Variants in CFAP47 observed in about 807,000 individuals in gnomAD.
CFAP47 encodes the protein cilia and flagella associated protein 47, also known as cilia- and flagella-associated protein 47.
Under a neutral mutation model 148.1 loss-of-function variants are expected in CFAP47, and 29 were observed. The observed-to-expected ratio is 0.20, with a 90% CI of 0.15 to 0.27. The LOEUF (loss-of-function observed/expected upper bound fraction) is 0.27, where lower values mean the gene tolerates loss of function less well. Among genes scored for constraint, CFAP47 ranks in the 10% least tolerant of loss-of-function variants. CFAP47 has a pLI of 1.00. For synonymous variants in CFAP47, 664 were observed against 577.3 expected (o/e 1.15, Z -2.15); for missense variants, 1,872 against 1,697.5 (o/e 1.10, Z -1.81).
intron 33 of CFAP47, among the ~76,000 whole-genome samples, chrX:36,125,340 A>G (rs950611201): frequency 4.5e-5 from 5 of 111,195 alleles, no homozygotes; most frequent in Non-Finnish European, 9.4e-5. Context: ...AAAAAGAAGC[A>G]AGTCAGCTGC....
At chrX:36,008,251 C>A (rs775653088) in intron 21 of CFAP47, among the ~76,000 whole-genome samples, 5 of 111,940 alleles carry the variant, frequency 4.5e-5, no homozygotes, top group Non-Finnish European at 9.4e-5. Flanking sequence ...GCTTCCCTTC[C>A]CTTTTTCTCT....
rs746880615 is a variant in CFAP47, at chrX:36,023,773, T to C, written c.3557-7480T>C. Among the ~76,000 whole-genome samples the C allele has an allele frequency of 5.3e-5, 6 of 112,222 alleles. No homozygotes were observed. In the East Asian group the frequency reaches 1.1e-3, roughly 21 times the overall value. ...CCCACAGGGAGTGCTGCCAGACTAC[T>C]GCTGATGTTTCCTTAAGGCACAAGG... is the stretch of plus-strand genomic sequence containing the variant. On this transcript the variant is annotated intron_variant, in intron 22 of 63. Coordinates refer to ENST00000378653, the MANE Select transcript of CFAP47 (RefSeq NM_001304548.2).
At chrX:36,231,521 A>G (rs1940359869) in intron 46 of CFAP47, among the ~76,000 whole-genome samples, 1 of 110,731 alleles carries the variant, frequency 9.0e-6, no homozygotes, top group Admixed American at 9.6e-5. Context: ...GGCCGAGACA[A>G]TGGGGTTTTC....
At chrX:36,358,548 G>A (rs1169312151) in intron 60 of CFAP47, among the ~76,000 whole-genome samples, 1 of 111,728 alleles carries the variant, frequency 9.0e-6, no homozygotes, top group Non-Finnish European at 1.9e-5. Flanking sequence ...GACTGCTTGG[G>A]TTCTTTTATT....
At chrX:36,363,588 C>T (rs1240802232) in intron 61 of CFAP47, among the ~76,000 whole-genome samples, 1 of 111,558 alleles carries the variant, frequency 9.0e-6, no homozygotes, top group Non-Finnish European at 1.9e-5. Context: ...CTATGAAAAA[C>T]AACAGGAAAA....
intron 30 of CFAP47, among the ~76,000 whole-genome samples, chrX:36,089,274 CAGG>C (rs1368960609): frequency 1.8e-5 from 2 of 110,235 alleles, no homozygotes; most frequent in Non-Finnish European, 3.8e-5. Flanking sequence ...GAGGCTGAGG[CAGG>C]AGAATCACTT....
chrX:36,235,389 A>G (rs1165545018), intron 46 of CFAP47, among the ~76,000 whole-genome samples: 1 of 112,338 alleles, frequency 8.9e-6, no homozygotes, highest in Non-Finnish European at 1.9e-5. Context: ...GCTAGCAATC[A>G]GCGAGACTCC....
intron 60 of CFAP47, 64 bp downstream of exon 60, chrX:36,353,745 AG>A: frequency 7.9e-6 from 7 of 884,790 alleles, no homozygotes; most frequent in African/African-American, 2.0e-5. Flanking sequence ...CATGAATTGC[AG>A]GTTGCTGATT....
At chrX:36,232,508 T>G (rs1555992939) in intron 46 of CFAP47, among the ~76,000 whole-genome samples, 1 of 111,993 alleles carries the variant, frequency 8.9e-6, no homozygotes, top group African/African-American at 3.2e-5. Context: ...CTCTCTGTTT[T>G]TCTTTATTAG....
At position 36,119,919 on chromosome X, in the gene CFAP47, CTTCTT is replaced by C. The variant is rs757330802; in HGVS notation, c.5320+15230_5320+15234del. On this transcript the variant is annotated intron_variant, in intron 33 of 63. Coordinates refer to ENST00000378653, the MANE Select transcript of CFAP47 (RefSeq NM_001304548.2). ...AGTTGTAATGTCTACTTTTTCATCT[CTTCTT>C]TCTTTCTTCTCTCTTTTTTTCTTAG... Among the ~76,000 whole-genome samples the C allele has an allele frequency of 1.3e-4, 14 of 109,548 alleles. No homozygotes were observed. In the East Asian group the frequency reaches 4.0e-3, roughly 32 times the overall value.
At chrX:36,050,314 G>A (rs905876737) in intron 26 of CFAP47, among the ~76,000 whole-genome samples, 3 of 111,526 alleles carry the variant, frequency 2.7e-5, no homozygotes, top group African/African-American at 9.8e-5. Flanking sequence ...AGACTTGGAG[G>A]GCTCAGAAGA....
intron 42 of CFAP47, among the ~76,000 whole-genome samples, chrX:36,196,516 G>A (rs1456795836): frequency 9.0e-6 from 1 of 111,086 alleles, no homozygotes; most frequent in Non-Finnish European, 1.9e-5. Context: ...TATCTAGAGG[G>A]CATCCGTGAC....
chrX:36,079,496 G>A (rs753123574), intron 29 of CFAP47, among the ~76,000 whole-genome samples: 8 of 111,409 alleles, frequency 7.2e-5, no homozygotes, highest in Non-Finnish European at 1.1e-4. Flanking sequence ...CATGCATCAC[G>A]TAGTTCTAGT....
chrX:36,169,773 A>G (rs911897582), intron 39 of CFAP47, among the ~76,000 whole-genome samples: 1 of 111,013 alleles, frequency 9.0e-6, no homozygotes, highest in Non-Finnish European at 1.9e-5. Context: ...TGTTCCTCTC[A>G]TGTTTCATCA....
chrX:36,026,365 G>T (rs1057088004), intron 22 of CFAP47, among the ~76,000 whole-genome samples: 48 of 111,448 alleles, frequency 4.3e-4, no homozygotes, highest in Non-Finnish European at 8.9e-4. Context: ...ATAGTGAAAT[G>T]ATTTCTATAG....
At position 36,319,314 on chromosome X, in the gene CFAP47, G is replaced by T; in HGVS notation, c.8443+7G>T. The T allele has an allele frequency of 1.1e-6, 1 of 874,258 alleles. No individual in the cohort carries two copies. Among genetic ancestry groups the T allele is most frequent in the East Asian group, 3.8e-5 (1 of 26,106 alleles). The allele number at this position is 874,258 out of a possible 1,213,427, so 72.0% of individuals were successfully genotyped here. A position where few individuals can be genotyped will look rare whatever the true frequency, so the allele number is the denominator to read the frequency against. ...TCTCCGAGTGAAATACAAGGTACAG[G>T]ATTTCTACCTTACATTCTATCATTC... On this transcript the variant is annotated splice_region_variant and intron_variant, in intron 57 of 63. Transcript: ENST00000378653.
chrX:35,977,159 A>G (rs1353101844), intron 15 of CFAP47, among the ~76,000 whole-genome samples: 1 of 112,013 alleles, frequency 8.9e-6, no homozygotes, highest in Non-Finnish European at 1.9e-5. Context: ...CTTTGTATCA[A>G]TAGTGACCCA....
intron 1 of CFAP47, among the ~76,000 whole-genome samples, chrX:35,925,313 T>TGCAGTG (rs1239584762): frequency 9.0e-6 from 1 of 110,531 alleles, no homozygotes; most frequent in East Asian, 2.8e-4. Flanking sequence ...GGGCGGAGCT[T>TGCAGTG]GCAGTGAGCA....
rs1937331883 is a variant in CFAP47, at chrX:36,035,851, C to G, written c.3808C>G (p.Pro1270Ala). The change falls in exon 24 of 64, where the codon CCA becomes GCA. Residue 1270 changes from proline to alanine, a missense_variant. Physicochemically the swap from Pro to Ala is conservative, Grantham distance 27 (BLOSUM62 -1). Coordinates refer to ENST00000378653, the MANE Select transcript of CFAP47 (RefSeq NM_001304548.2). ...GTATAATGTTTCCATAAGTTTCTGT[C>G]CAAGTAAGATATTTTCTCCTATATT... ...EKYNVSISFC[P>A]NRPGTYTADI... is the part of the protein sequence containing the mutation. The G allele has an allele frequency of 3.4e-6, 1 of 293,558 alleles. No homozygotes were observed. Among genetic ancestry groups the G allele is most frequent in the South Asian group, 2.1e-4 (1 of 4,838 alleles). The allele number at this position is 293,558 out of a possible 1,213,427, so 24.2% of individuals were successfully genotyped here.
Sources: gnomAD v4.1 joint callset for allele counts (sites outside exome capture counted in the v4.1 genomes callset) on GRCh38, gnomAD v4.1.1 for gene constraint, MANE v1.5 for transcripts, NCBI Gene and HGNC (gene_info 2026-07-23, HGNC 2026-07-21) for gene names.